Variants in FSTL4 observed in about 807,000 individuals in gnomAD.
FSTL4 encodes the protein follistatin-related protein 4.
In FSTL4, 28 loss-of-function variants were observed where a neutral mutation model predicts 78.2. The observed-to-expected ratio is 0.36, with a 90% CI of 0.27 to 0.49. The LOEUF (loss-of-function observed/expected upper bound fraction) is 0.49. Among genes scored for constraint, FSTL4 ranks in the 20% least tolerant of loss-of-function variants. The probability of loss-of-function intolerance (pLI) is 0.98; values close to 1 mark genes in which losing one functional copy is unlikely to be tolerated. For synonymous variants in FSTL4, 422 were observed against 440.5 expected, an observed-to-expected ratio of 0.96 and a Z score of 0.53; for missense variants, 922 against 1,084.9, an observed-to-expected ratio of 0.85 and a Z score of 2.11.
In FSTL4 at chr5:133,507,523, ATT is replaced by A. The variant is rs35891659; in HGVS notation, c.160+59661_160+59662del. 9.2e-3 allele frequency among the ~76,000 whole-genome samples: 1,251 copies of A among 136,114 alleles called. 15 individuals carry two copies. Among genetic ancestry groups the A allele is most frequent in the African/African-American group, 0.032 (1,146 of 36,272 alleles). 89.3% of individuals were successfully genotyped at this position (136,114 alleles called of 152,430 possible). Reference sequence around the variant, plus strand: ...ATTCAAACAACGGAGACTTGAAAGCATTTTTTTTTTTTTTTTTTGATACTGAG... The same window carrying A: ...ATTCAAACAACGGAGACTTGAAAGCATTTTTTTTTTTTTTTTGATACTGAG... On this transcript the variant is annotated intron_variant, in intron 3 of 15. Coordinates refer to ENST00000265342, the MANE Select transcript of FSTL4 (RefSeq NM_015082.2).
chr5:133,445,985 T>A (rs1757255012), intron 3 of FSTL4, among the ~76,000 whole-genome samples: 1 of 152,148 alleles, frequency 6.6e-6, no homozygotes, highest in Admixed American at 6.5e-5. Flanking sequence ...ATACTACAAG[T>A]TTATATGTGG....
chr5:133,201,734 G>A (rs527477247), intron 15 of FSTL4, among the ~76,000 whole-genome samples, 199 bp downstream of exon 15: 1 of 152,232 alleles, frequency 6.6e-6, no homozygotes, highest in Non-Finnish European at 1.5e-5. Flanking sequence ...GTATAATAGA[G>A]TTATTGACCC....
chr5:133,726,673 T>C, the FSTL4 span, among the ~76,000 whole-genome samples: 1 of 152,146 alleles, frequency 6.6e-6, no homozygotes, highest in Non-Finnish European at 1.5e-5. Flanking sequence ...CAAGGGGGGC[T>C]GGGCAGGTGG....
Position 133,611,581 on chromosome 5 carries a change from G to A in FSTL4, c.-11+744C>T, listed in dbSNP as rs1167134332. 6.6e-6 allele frequency among the ~76,000 whole-genome samples: 1 copy of A among 152,170 alleles called. No individual in the cohort carries two copies. The highest frequency in any genetic ancestry group is 1.5e-5 in the Non-Finnish European group (1 of 68,030). ...TTAGGACCAAGCCCCCAGCCCGAAC[G>A]CTGAACGCCCCCAACACACTGCTCC... On this transcript the variant is annotated intron_variant, in intron 1 of 15. Coordinates refer to ENST00000265342, the MANE Select transcript of FSTL4 (RefSeq NM_015082.2). This position sits in a 1 kb window ranked among gnomAD's most constrained non-coding sequence, Gnocchi z 4.9.
intron 3 of FSTL4, among the ~76,000 whole-genome samples, chr5:133,559,445 A>G (rs1240393863): frequency 6.6e-6 from 1 of 152,210 alleles, no homozygotes; most frequent in Non-Finnish European, 1.5e-5. Flanking sequence ...GGACCTCAGC[A>G]GGTATACAGG....
chr5:133,364,031 G>T (rs571089406), intron 4 of FSTL4, among the ~76,000 whole-genome samples: 1 of 152,226 alleles, frequency 6.6e-6, no homozygotes, highest in East Asian at 1.9e-4. Context: ...GGCCCTGAAT[G>T]TGCTGCTGGG....
the FSTL4 span, among the ~76,000 whole-genome samples, chr5:133,705,888 C>T: frequency 6.6e-6 from 1 of 152,018 alleles, no homozygotes; most frequent in African/African-American, 2.4e-5. Context: ...CACACACACA[C>T]ACACTGTGGC....
At chr5:133,204,060 C>CCAT (rs534462216) in intron 14 of FSTL4, among the ~76,000 whole-genome samples, 60 of 152,272 alleles carry the variant, frequency 3.9e-4, no homozygotes, top group African/African-American at 1.2e-3. Context: ...CAGGATATGC[C>CCAT]CATCAGTTGG....
intron 3 of FSTL4, among the ~76,000 whole-genome samples, chr5:133,421,214 G>A (rs909170674): frequency 6.6e-6 from 1 of 152,232 alleles, no homozygotes; most frequent in Non-Finnish European, 1.5e-5. Flanking sequence ...TCACTGCCCA[G>A]GCTGATAGCA....
intron 4 of FSTL4, among the ~76,000 whole-genome samples, chr5:133,398,429 C>G (rs960915116): frequency 1.3e-5 from 2 of 152,164 alleles, no homozygotes; most frequent in African/African-American, 4.8e-5. Context: ...GCCTGACACT[C>G]ATGTCTTCCT....
intron 13 of FSTL4, chr5:133,211,056 T>A (rs1288045807): frequency 6.6e-6 from 1 of 152,176 alleles, no homozygotes; most frequent in African/African-American, 2.4e-5. Flanking sequence ...CACCCCTCTC[T>A]ATCTATCTTT....
intron 3 of FSTL4, among the ~76,000 whole-genome samples, chr5:133,417,193 T>C (rs1756594650): frequency 6.6e-6 from 1 of 152,188 alleles, no homozygotes; most frequent in South Asian, 2.1e-4. Flanking sequence ...AACAAGCCTT[T>C]AGTAGAACTG....
rs1304893348 is a variant in FSTL4, at chr5:133,544,718, G to T, written c.160+22468C>A. On this transcript the variant is annotated intron_variant, in intron 3 of 15. Transcript: ENST00000265342. Reference sequence around the variant, plus strand: ...TTTCTGAGACTGGAATTGAGCTCAGGATAAGAGCAACTTACAGAAAAGGAG... The same window carrying T: ...TTTCTGAGACTGGAATTGAGCTCAGTATAAGAGCAACTTACAGAAAAGGAG... 3.9e-5 allele frequency among the ~76,000 whole-genome samples: 6 copies of T among 152,322 alleles called. No individual in the cohort carries two copies. In the South Asian group the frequency reaches 8.3e-4, roughly 21 times the overall value.
the FSTL4 span, among the ~76,000 whole-genome samples, chr5:133,833,723 G>T: frequency 6.6e-6 from 1 of 152,174 alleles, no homozygotes; most frequent in Non-Finnish European, 1.5e-5. Flanking sequence ...AAGCAGAAAG[G>T]TATGCCATGT....
At chr5:133,381,944 C>T (rs1755584261) in intron 4 of FSTL4, among the ~76,000 whole-genome samples, 1 of 152,218 alleles carries the variant, frequency 6.6e-6, no homozygotes, top group African/African-American at 2.4e-5. Context: ...TTAGCTGTGG[C>T]TGTGTGACTT....
At chr5:133,370,498 A>T (rs1458627317) in intron 4 of FSTL4, among the ~76,000 whole-genome samples, 2 of 152,088 alleles carry the variant, frequency 1.3e-5, no homozygotes, top group Non-Finnish European at 2.9e-5. Flanking sequence ...CAGGGGTCCC[A>T]GGCCTGAAGG....
At chr5:133,757,316 A>G in the FSTL4 span, among the ~76,000 whole-genome samples, 5 of 152,150 alleles carry the variant, frequency 3.3e-5, no homozygotes, top group African/African-American at 1.2e-4. Flanking sequence ...ATCAATGAAT[A>G]TTTTACTTTT....
chr5:133,372,404 G>C (rs1045016209), intron 4 of FSTL4, among the ~76,000 whole-genome samples: 1 of 152,154 alleles, frequency 6.6e-6, no homozygotes, highest in African/African-American at 2.4e-5. Context: ...ACACCAAGGA[G>C]AGAACACATA....
rs1196039598 is a variant in FSTL4, at chr5:133,197,293, A to C, written c.*1802T>G. ...ATATCAAGATATTGAGGCAGGAAAAAAAAAGGGGTGAGATGGGTCATCCAT... is the reference window on the plus strand; with the variant it reads ...ATATCAAGATATTGAGGCAGGAAAACAAAAGGGGTGAGATGGGTCATCCAT... On this transcript the variant is annotated 3_prime_UTR_variant, in exon 16 of 16. Coordinates refer to ENST00000265342, the MANE Select transcript of FSTL4 (RefSeq NM_015082.2). 1 of 152,126 alleles carries C rather than the reference A, an allele frequency of 6.6e-6. No homozygotes were observed. The highest frequency in any genetic ancestry group is 2.4e-5 in the African/African-American group (1 of 41,406). The allele number at this position is 152,126 out of a possible 1,614,324, so 9.4% of individuals were successfully genotyped here. A position where few individuals can be genotyped will look rare whatever the true frequency, so the allele number is the denominator to read the frequency against.
Sources: allele counts gnomAD v4.1 joint callset (sites outside exome capture counted in the v4.1 genomes callset), GRCh38; gene constraint gnomAD v4.1.1; non-coding constraint Gnocchi (gnomAD v3.1); transcripts MANE v1.5; gene names NCBI Gene and HGNC (gene_info 2026-07-23, HGNC 2026-07-21).